TLCD4: variants seen among roughly 807,000 people sequenced by gnomAD.
The protein encoded by TLCD4 is TLC domain containing 4.
Under a neutral mutation model 24.2 loss-of-function variants are expected in TLCD4, and 7 were observed. The observed-to-expected ratio is 0.29, with a 90% CI of 0.16 to 0.54. TLCD4 has a LOEUF of 0.54. TLCD4 is among the 20% of genes least tolerant of loss of function. The pLI, the probability that TLCD4 is intolerant of heterozygous loss-of-function variation, is 0.95. For missense variants in TLCD4, 259 were observed against 313.9 expected (o/e 0.82, Z 1.32); for synonymous variants, 103 against 106.4 (o/e 0.97, Z 0.20).
At chr1:95,131,262 C>T (rs1341743631) in intron 1 of TLCD4, among the ~76,000 whole-genome samples, 1 of 152,126 alleles carries the variant, frequency 6.6e-6, no homozygotes, top group Non-Finnish European at 1.5e-5. Flanking sequence ...AACCTGTTGA[C>T]AGAGCTCAGA....
intron 5 of TLCD4, among the ~76,000 whole-genome samples, chr1:95,152,042 C>T (rs568680999): frequency 6.6e-5 from 10 of 152,184 alleles, no homozygotes; most frequent in Admixed American, 6.6e-4. Flanking sequence ...AATATACCAA[C>T]AAGCTCAAGG....
intron 1 of TLCD4, among the ~76,000 whole-genome samples, chr1:95,118,951 C>T (rs1003886669): frequency 2.6e-5 from 4 of 151,944 alleles, no homozygotes; most frequent in South Asian, 2.1e-4. Context: ...TTTTTTTCTA[C>T]GCCTGCAACT....
At chr1:95,109,688 C>T in the TLCD4 span, among the ~76,000 whole-genome samples, 12 of 151,376 alleles carry the variant, frequency 7.9e-5, no homozygotes, top group African/African-American at 2.7e-4. Flanking sequence ...GGGGTTTCAC[C>T]ATGTTGGCCA....
At chr1:95,122,789 A>G (rs925669710) in intron 1 of TLCD4, among the ~76,000 whole-genome samples, 4 of 152,220 alleles carry the variant, frequency 2.6e-5, no homozygotes, top group Non-Finnish European at 5.9e-5. Context: ...GACCTGGAGA[A>G]ACTTTCTTGG....
At chr1:95,124,886 T>C (rs1007455447) in intron 1 of TLCD4, among the ~76,000 whole-genome samples, 8 of 152,100 alleles carry the variant, frequency 5.3e-5, no homozygotes, top group African/African-American at 1.7e-4. Context: ...CACCACCCTG[T>C]ACTTGGTCCA....
chr1:95,174,594 G>A (rs370669963), intron 6 of TLCD4, among the ~76,000 whole-genome samples: 21 of 151,884 alleles, frequency 1.4e-4, no homozygotes, highest in Admixed American at 9.8e-4. Context: ...AGGCTAAGGC[G>A]GAAGGATTGC....
rs994095857 is a variant in TLCD4 at position 95,151,911 on chromosome 1, C to T, written c.399+492C>T. ...AATAGAGGATTCTTCCAACAGATCT[C>T]AGGCAGTAAAGCATATTAAATTATA... is the stretch of plus-strand genomic sequence containing the variant. On this transcript the variant is annotated intron_variant, in intron 5 of 6. Transcript: ENST00000370203. 3.9e-5 allele frequency among the ~76,000 whole-genome samples: 6 copies of T among 152,186 alleles called. No individual in the cohort carries two copies. The East Asian group carries it at 1.2e-3, about 29-fold the overall frequency.
chr1:95,154,779 T>C (rs747665312), intron 5 of TLCD4, among the ~76,000 whole-genome samples: 5 of 151,234 alleles, frequency 3.3e-5, no homozygotes, highest in Non-Finnish European at 5.9e-5. Context: ...ATAGATTTTG[T>C]TTCCAAACCT....
At chr1:95,128,094 G>A (rs1046867539) in intron 1 of TLCD4, among the ~76,000 whole-genome samples, 4 of 152,166 alleles carry the variant, frequency 2.6e-5, no homozygotes, top group African/African-American at 7.2e-5. Flanking sequence ...GAGTAACACC[G>A]AAAAAAGTTT....
chr1:95,097,498 A>C, the TLCD4 span, among the ~76,000 whole-genome samples: 1 of 152,222 alleles, frequency 6.6e-6, no homozygotes, highest in African/African-American at 2.4e-5. Flanking sequence ...GGTTTGTATC[A>C]AAAAATGTGT....
At chr1:95,133,162 T>C (rs1676942860) in intron 1 of TLCD4, among the ~76,000 whole-genome samples, 1 of 152,114 alleles carries the variant, frequency 6.6e-6, no homozygotes, top group Admixed American at 6.6e-5. Context: ...TTGTTTTTGC[T>C]GAGAACTTGA....
At chr1:95,132,891 G>T (rs527921195) in intron 1 of TLCD4, among the ~76,000 whole-genome samples, 1 of 152,206 alleles carries the variant, frequency 6.6e-6, no homozygotes, top group South Asian at 2.1e-4. Context: ...TTGTGGAGAG[G>T]TCAGGTAACA....
At chr1:95,169,563 C>T (rs941137605) in intron 5 of TLCD4, among the ~76,000 whole-genome samples, 9 of 152,102 alleles carry the variant, frequency 5.9e-5, no homozygotes, top group African/African-American at 1.7e-4. Flanking sequence ...AATTCTTTAC[C>T]AGTATGAAAG....
intron 1 of TLCD4, among the ~76,000 whole-genome samples, chr1:95,129,334 AC>A (rs1676824895): frequency 1.3e-5 from 2 of 152,128 alleles, no homozygotes; most frequent in Non-Finnish European, 2.9e-5. Flanking sequence ...TATAAAGGAT[AC>A]CCTTTTTCAA....
chr1:95,126,695 G>C (rs1475378139), intron 1 of TLCD4, among the ~76,000 whole-genome samples: 1 of 152,192 alleles, frequency 6.6e-6, no homozygotes, highest in Non-Finnish European at 1.5e-5. Flanking sequence ...AGTGTTGGCT[G>C]TCAGCTGGGC....
At chr1:95,136,290 C>G (rs1036673440) in intron 1 of TLCD4, among the ~76,000 whole-genome samples, 3 of 151,926 alleles carry the variant, frequency 2.0e-5, no homozygotes, top group Non-Finnish European at 4.4e-5. Context: ...TGTTGTCTTT[C>G]ATTGATTTGT....
chr1:95,155,468 T>C (rs963230821), intron 5 of TLCD4, among the ~76,000 whole-genome samples: 2 of 152,166 alleles, frequency 1.3e-5, no homozygotes, highest in African/African-American at 2.4e-5. Flanking sequence ...AAAAATATTA[T>C]AGAAAGATTT....
chr1:95,110,840 G>A, the TLCD4 span, among the ~76,000 whole-genome samples: 6 of 143,228 alleles, frequency 4.2e-5, no homozygotes, highest in African/African-American at 1.1e-4. Flanking sequence ...TGGGCAACAC[G>A]GCAAGATTCT....
intron 5 of TLCD4, among the ~76,000 whole-genome samples, chr1:95,155,148 C>T (rs1026278520): frequency 3.8e-4 from 58 of 151,730 alleles, no homozygotes; most frequent in East Asian, 5.9e-4. Context: ...GTTCTCTTTT[C>T]CCCCCCACCT....
Sources: allele counts gnomAD v4.1 joint callset (sites outside exome capture counted in the v4.1 genomes callset), GRCh38; gene constraint gnomAD v4.1.1; transcripts MANE v1.5; gene names NCBI Gene and HGNC (gene_info 2026-07-23, HGNC 2026-07-21).